The following AVL9 variants were observed in gnomAD, a reference collection of about 807,000 sequenced individuals.
AVL9 encodes late secretory pathway protein AVL9 homolog.
Under a neutral mutation model 79.2 loss-of-function variants are expected in AVL9, and 49 were observed. The observed-to-expected ratio is 0.62, with a 90% CI of 0.49 to 0.79. The LOEUF (loss-of-function observed/expected upper bound fraction) is 0.79, where lower values mean the gene tolerates loss of function less well. Among genes scored for constraint, AVL9 ranks in the 30% least tolerant of loss-of-function variants. The probability of loss-of-function intolerance (pLI) is 0.00; values close to 1 mark genes in which losing one functional copy is unlikely to be tolerated. For missense variants in AVL9, 682 were observed against 776.8 expected, an observed-to-expected ratio of 0.88 and a Z score of 1.45; for synonymous variants, 299 against 280.6, an observed-to-expected ratio of 1.07 and a Z score of -0.65.
chr7:32,554,495 G>GAA, intron 7 of AVL9, 63 bp from the exon 8 acceptor site: 1 of 1,059,418 alleles, frequency 9.4e-7, no homozygotes, highest in Non-Finnish European at 1.4e-6. Context: ...TTTAGGAGGG[G>GAA]AAAAGATGAA....
intron 8 of AVL9, among the ~76,000 whole-genome samples, chr7:32,555,735 C>G (rs928922438): frequency 6.6e-6 from 1 of 152,208 alleles, no homozygotes; most frequent in Non-Finnish European, 1.5e-5. Context: ...ATCCTTGGAT[C>G]TGGGCCAGTT....
At chr7:32,508,419 C>G (rs1437539688) in intron 1 of AVL9, among the ~76,000 whole-genome samples, 3 of 142,978 alleles carry the variant, frequency 2.1e-5, no homozygotes, top group Admixed American at 7.2e-5. Context: ...TCAGATAAAA[C>G]TAATTTTAAT....
At chr7:32,569,738 T>C (rs1321983742) in intron 10 of AVL9, among the ~76,000 whole-genome samples, 1 of 152,222 alleles carries the variant, frequency 6.6e-6, no homozygotes, top group African/African-American at 2.4e-5. Flanking sequence ...GACTTTTAAA[T>C]TGAATGAGAA....
Position 32,496,008 on chromosome 7 carries a change from C to G in AVL9, c.93+206C>G, listed in dbSNP as rs149226510. On this transcript the variant is annotated intron_variant, in intron 1 of 15. Transcript: ENST00000318709. ...GCCCCCACAACCTCTTCCTTCTGCC[C>G]CTGAAAAATGGTTGAGCAGCGGAGG... is the stretch of plus-strand genomic sequence containing the variant. 5.6e-3 allele frequency among the ~76,000 whole-genome samples: 855 copies of G among 152,280 alleles called. 11 individuals carry two copies. The highest frequency in any genetic ancestry group is 6.0e-3 in the Non-Finnish European group (406 of 68,026).
intron 9 of AVL9, 93 bp downstream of exon 9, chr7:32,558,721 G>A (rs561600056): frequency 8.5e-7 from 1 of 1,181,312 alleles, no homozygotes; most frequent in African/African-American, 1.6e-5. Flanking sequence ...AATTCGTTAG[G>A]GTTATCCTTT....
At chr7:32,579,311 T>TTATA (rs1366570313) in intron 13 of AVL9, among the ~76,000 whole-genome samples, 4 of 79,114 alleles carry the variant, frequency 5.1e-5, no homozygotes, top group African/African-American at 1.8e-4. Context: ...ATATTATATA[T>TTATA]TATATATATT....
At chr7:32,569,948 A>C in intron 10 of AVL9, 72 bp from the exon 11 acceptor site, 2,096 of 1,304,364 alleles carry the variant, frequency 1.6e-3, no homozygotes, top group Non-Finnish European at 2.1e-3. Context: ...TCCTACTGTT[A>C]GCTCACTAAG....
chr7:32,513,707 G>T (rs7806941), intron 1 of AVL9, among the ~76,000 whole-genome samples: 53,268 of 152,094 alleles, frequency 0.35, 9,662 homozygotes, highest in East Asian at 0.48. Flanking sequence ...TATAGAGGAC[G>T]AAAAGTGGGC....
intron 2 of AVL9, 48 bp from the exon 3 acceptor site, chr7:32,544,646 A>C (rs1300583705): frequency 2.3e-6 from 3 of 1,289,716 alleles, no homozygotes; most frequent in Non-Finnish European, 2.2e-6. Flanking sequence ...CTACTTATTA[A>C]TAAGGGTAAT....
At chr7:32,498,953 G>C (rs6964707) in intron 1 of AVL9, among the ~76,000 whole-genome samples, 55,255 of 55,266 alleles carry the variant, frequency 1, 27,624 homozygotes, top group Middle Eastern at 1. Flanking sequence ...CACCTGAGGT[G>C]AGGAGTTCGA....
intron 1 of AVL9, among the ~76,000 whole-genome samples, chr7:32,506,687 G>A (rs1234034853): frequency 6.6e-6 from 1 of 151,866 alleles, no homozygotes; most frequent in Non-Finnish European, 1.5e-5. Context: ...CCAAACGGGA[G>A]GATTACCTGA....
intron 4 of AVL9, among the ~76,000 whole-genome samples, chr7:32,550,355 A>C (rs989750681): frequency 4.7e-4 from 71 of 151,708 alleles, no homozygotes; most frequent in African/African-American, 1.7e-3. Flanking sequence ...GTAACTACTA[A>C]GTGATAAAAT....
At chr7:32,578,840 T>A (rs1791219076) in intron 13 of AVL9, among the ~76,000 whole-genome samples, 1 of 152,144 alleles carries the variant, frequency 6.6e-6, no homozygotes, top group Non-Finnish European at 1.5e-5. Flanking sequence ...TCTGTTGTTA[T>A]CAGAGGGTGT....
chr7:32,582,286 C>T (rs897793088), intron 15 of AVL9, among the ~76,000 whole-genome samples: 2 of 152,150 alleles, frequency 1.3e-5, no homozygotes, highest in African/African-American at 2.4e-5. Flanking sequence ...GTTGACTAAC[C>T]GTTACTGAAC....
At chr7:32,540,733 G>A (rs1315964667) in intron 1 of AVL9, among the ~76,000 whole-genome samples, 3 of 151,934 alleles carry the variant, frequency 2.0e-5, no homozygotes, top group Non-Finnish European at 4.4e-5. Flanking sequence ...CCAGTGTACC[G>A]TACATTCCTA....
At chr7:32,513,389 C>T (rs935412576) in intron 1 of AVL9, among the ~76,000 whole-genome samples, 1 of 152,218 alleles carries the variant, frequency 6.6e-6, no homozygotes, top group Non-Finnish European at 1.5e-5. Context: ...ACAGTCTATT[C>T]TCTCTAAAGC....
chr7:32,508,826 A>G (rs999083404), intron 1 of AVL9, among the ~76,000 whole-genome samples: 1 of 152,118 alleles, frequency 6.6e-6, no homozygotes, highest in African/African-American at 2.4e-5. Flanking sequence ...ACATTTGTCT[A>G]TTTTTCTATG....
chr7:32,504,033 G>C (rs118053085), intron 1 of AVL9, among the ~76,000 whole-genome samples: 1 of 152,146 alleles, frequency 6.6e-6, no homozygotes, highest in Non-Finnish European at 1.5e-5. Flanking sequence ...CTTCACTGAC[G>C]GTATTAGGAA....
intron 1 of AVL9, among the ~76,000 whole-genome samples, chr7:32,502,755 A>G (rs1325947422): frequency 6.6e-6 from 1 of 152,100 alleles, no homozygotes; most frequent in Admixed American, 6.5e-5. Context: ...ACTCTGGGTG[A>G]CTCTCTTCAG....
Sources: gnomAD v4.1 joint callset for allele counts (sites outside exome capture counted in the v4.1 genomes callset) on GRCh38, gnomAD v4.1.1 for gene constraint, MANE v1.5 for transcripts, NCBI Gene and HGNC (gene_info 2026-07-23, HGNC 2026-07-21) for gene names.